Variants in UHMK1 observed in about 807,000 individuals in gnomAD.
UHMK1 encodes U2AF homology motif kinase 1.
Under a neutral mutation model 44.0 loss-of-function variants are expected in UHMK1, and 18 were observed. The ratio of observed to expected loss-of-function variants is 0.41; its 90% CI spans 0.28 to 0.61. The LOEUF (loss-of-function observed/expected upper bound fraction) is 0.61. Ranked by LOEUF, UHMK1 falls within the 20% of genes least tolerant of loss-of-function variation. UHMK1 has a pLI of 0.31. For missense variants in UHMK1, 463 were observed against 522.5 expected (o/e 0.89, Z 1.11); for synonymous variants, 231 against 198.5 (o/e 1.16, Z -1.38).
chr1:162,513,104 G>T (rs758245595), intron 6 of UHMK1: 4 of 339,820 alleles, frequency 1.2e-5, no homozygotes, highest in South Asian at 7.7e-5. Flanking sequence ...ACCAGACCTG[G>T]CTAATTTTGT....
chr1:162,498,267 C>G lies in UHMK1; in HGVS notation c.267C>G (p.Ile89Met). The change falls in exon 1 of 8, where the codon ATC (isoleucine) becomes ATG (methionine). Residue 89 changes from isoleucine (I) to methionine (M), a missense_variant and splice_region_variant. Physicochemically the swap from Ile to Met is conservative, Grantham distance 10. Transcript: ENST00000489294. Reference sequence around the variant, plus strand: ...AACAGTTGCAGGGTCACAGAAACATCGGTAATTGCCGCTGTCTCCTTTCTC... The same window carrying G: ...AACAGTTGCAGGGTCACAGAAACATGGGTAATTGCCGCTGTCTCCTTTCTC... ...ALEQLQGHRN[I>M]VTLYGVFTIH... The G allele has an allele frequency of 6.3e-7, 1 of 1,580,210 alleles. No homozygotes were observed. Among genetic ancestry groups the G allele is most frequent in the South Asian group, 1.1e-5 (1 of 87,174 alleles).
chr1:162,507,142 C>T lies in UHMK1; in HGVS notation c.848+3294C>T, dbSNP rs189270714. ...TTTCCTTTCTTTTTTTTTTTTGAGA[C>T]GGAGTTTTTGCTCGTTGCCCAGGTT... On this transcript the variant is annotated intron_variant, in intron 4 of 7. Coordinates refer to ENST00000489294, the MANE Select transcript of UHMK1 (RefSeq NM_175866.5). 1.0e-3 allele frequency among the ~76,000 whole-genome samples: 154 copies of T among 149,124 alleles called. No individual in the cohort carries two copies. In the Middle Eastern group the frequency reaches 0.01, roughly 10 times the overall value.
At chr1:162,503,345 C>T (rs898094406) in intron 3 of UHMK1, among the ~76,000 whole-genome samples, 1 of 151,892 alleles carries the variant, frequency 6.6e-6, no homozygotes, top group Non-Finnish European at 1.5e-5. Flanking sequence ...CACGATGGCT[C>T]ACAGTTATAG....
At chr1:162,509,986 G>A (rs1190481513) in intron 4 of UHMK1, among the ~76,000 whole-genome samples, 1 of 152,046 alleles carries the variant, frequency 6.6e-6, no homozygotes, top group Non-Finnish European at 1.5e-5. Context: ...CTTTATAAAT[G>A]CTTACTTACA....
chr1:162,498,145 C>A lies in UHMK1; in HGVS notation c.145C>A (p.Pro49Thr), dbSNP rs767864729. ...RVRCCGNPGSPPGALKQFLPP... is the reference protein window; with the variant it reads ...RVRCCGNPGSTPGALKQFLPP... ...TCGCTGCTGCGGCAACCCTGGCTCG[C>A]CCCCCGGCGCCCTCAAGCAGTTCTT... The change falls in exon 1 of 8, where the codon CCC (proline) becomes ACC (threonine). Residue 49 changes from proline to threonine, a missense_variant. By Grantham distance (38) the Pro-to-Thr change is conservative. Around this residue, in one of 3 missense-constraint regions of UHMK1, gnomAD observed 191 missense variants for 176.0 expected, o/e 1.09. Transcript: ENST00000489294. 10 of 1,612,254 alleles carry A rather than the reference C, an allele frequency of 6.2e-6. No homozygotes were observed. The highest frequency in any genetic ancestry group is 1.1e-5 in the South Asian group (1 of 90,918).
At chr1:162,507,354 G>A (rs1000075882) in intron 4 of UHMK1, among the ~76,000 whole-genome samples, 47 of 151,916 alleles carry the variant, frequency 3.1e-4, no homozygotes, top group African/African-American at 1.1e-3. Flanking sequence ...TCCTGATCTC[G>A]TGATCCGCCT....
intron 2 of UHMK1, 167 bp downstream of exon 2, chr1:162,500,414 T>TA (rs1651226604): frequency 2.6e-6 from 2 of 780,738 alleles, no homozygotes; most frequent in Admixed American, 3.0e-5. Context: ...TGCCACCGTG[T>TA]AAAAAAAGGA....
intron 4 of UHMK1, among the ~76,000 whole-genome samples, chr1:162,509,827 TA>T (rs1469598221): frequency 6.6e-6 from 1 of 151,886 alleles, no homozygotes; most frequent in East Asian, 1.9e-4. Context: ...TATTTTTTAG[TA>T]GAGACGGGAT....
intron 3 of UHMK1, 143 bp from the exon 4 acceptor site, chr1:162,503,611 C>CA (rs33964112): frequency 0.014 from 4,885 of 357,280 alleles, 20 homozygotes; most frequent in African/African-American, 0.032. Flanking sequence ...ACCCTGTCTC[C>CA]AAAAAAAAAA....
rs1651129241 is a variant in UHMK1 at position 162,498,182 on chromosome 1, C to A, written c.182C>A (p.Thr61Asn). ...GALKQFLPPG[T>N]TGAAASAAEY... ...CTCAAGCAGTTCTTGCCGCCAGGAA[C>A]CACCGGGGCTGCGGCCTCTGCCGCC... The change falls in exon 1 of 8, where the codon ACC becomes AAC. Residue 61 changes from threonine to asparagine, a missense_variant. By Grantham distance (65) the Thr-to-Asn change is moderately conservative. Coordinates refer to ENST00000489294, the MANE Select transcript of UHMK1 (RefSeq NM_175866.5). 6.2e-7 allele frequency: 1 copy of A among 1,613,086 alleles called. No individual in the cohort carries two copies. The highest frequency in any genetic ancestry group is 8.5e-7 in the Non-Finnish European group (1 of 1,179,448).
At chr1:162,506,331 G>A (rs1651467822) in intron 4 of UHMK1, among the ~76,000 whole-genome samples, 2 of 150,204 alleles carry the variant, frequency 1.3e-5, no homozygotes, top group South Asian at 4.2e-4. Context: ...TAGCACTTTG[G>A]TATATTTCCT....
rs1651500698 is a variant in UHMK1 at position 162,507,250 on chromosome 1, GCTAGGATTACAGGCTA to G, written c.848+3405_848+3420del. Among the ~76,000 whole-genome samples, 6 of 151,840 alleles carry G rather than the reference GCTAGGATTACAGGCTA, an allele frequency of 4.0e-5. No individual in the cohort carries two copies. In the South Asian group the frequency reaches 1.2e-3, roughly 32 times the overall value. On this transcript the variant is annotated intron_variant, in intron 4 of 7. Transcript: ENST00000489294. ...TTCTCCCACATCAGCCTCCCAAGTA[GCTAGGATTACAGGCTA>G]CTGCCACCATGCCTGGCTAATTTCT...
Position 162,524,644 on chromosome 1 carries a change from C to T in UHMK1, c.*2094C>T, listed in dbSNP as rs1035120273. On this transcript the variant is annotated 3_prime_UTR_variant, in exon 8 of 8. Coordinates refer to ENST00000489294, the MANE Select transcript of UHMK1 (RefSeq NM_175866.5). ...ATTTACTTTTCTCTCCCCTCCGCCC[C>T]CAAAAGAAAAATCCTTACAAATAAA... The T allele has an allele frequency of 6.6e-6, 1 of 152,134 alleles. No individual in the cohort carries two copies. The allele number at this position is 152,134 out of a possible 1,614,324, so 9.4% of individuals were successfully genotyped here. A position where few individuals can be genotyped will look rare whatever the true frequency, so the allele number is the denominator to read the frequency against.
At chr1:162,512,650 C>T in intron 5 of UHMK1, 74 bp downstream of exon 5, 1 of 1,600,888 alleles carries the variant, frequency 6.2e-7, no homozygotes, top group Non-Finnish European at 8.5e-7. Flanking sequence ...AATTTATATT[C>T]ACAAGTTCCT....
Position 162,500,013 on chromosome 1 carries a change from G to A in UHMK1, c.327G>A (p.Leu109=). 2 of 1,614,216 alleles carry A rather than the reference G, an allele frequency of 1.2e-6. No individual in the cohort carries two copies. Among genetic ancestry groups the A allele is most frequent in the Non-Finnish European group, 1.7e-6 (2 of 1,180,044 alleles). The change falls in exon 2 of 8, where the codon CTG becomes CTA. Residue 109 remains leucine, a synonymous_variant. Coordinates refer to ENST00000489294, the MANE Select transcript of UHMK1 (RefSeq NM_175866.5). ...CTCCAAATGTGCCATCACGCTGTCT[G>A]TTGCTTGAACTCCTGGATGTCAGTG... The part of the protein sequence containing the change: ...HFSPNVPSRC[L]LLELLDVSVS...
At chr1:162,513,528 G>A (rs574638047) in intron 6 of UHMK1, among the ~76,000 whole-genome samples, 1 of 152,196 alleles carries the variant, frequency 6.6e-6, no homozygotes, top group Admixed American at 6.6e-5. Flanking sequence ...ATAATCTGAA[G>A]ATAGGGTACT....
rs767329468 is a variant in UHMK1, at chr1:162,497,963, C to T, written c.-38C>T. 1 of 1,454,716 alleles carries T rather than the reference C, an allele frequency of 6.9e-7. No individual in the cohort carries two copies. Among genetic ancestry groups the T allele is most frequent in the African/African-American group, 1.5e-5 (1 of 67,838 alleles). 90.1% of individuals were successfully genotyped at this position (1,454,716 alleles called of 1,614,324 possible). ...GGCCCGGCCGGCCTGCCTCAGGCGT[C>T]GCGTCAGCTCCCGTGTCCGTGCCCT... On this transcript the variant is annotated 5_prime_UTR_variant, in exon 1 of 8. Coordinates refer to ENST00000489294, the MANE Select transcript of UHMK1 (RefSeq NM_175866.5).
At chr1:162,505,041 C>T (rs1651419427) in intron 4 of UHMK1, among the ~76,000 whole-genome samples, 1 of 152,178 alleles carries the variant, frequency 6.6e-6, no homozygotes. Context: ...TCCCAAAGTG[C>T]TGGGATTACA....
Position 162,523,311 on chromosome 1 carries a change from T to A in UHMK1, c.*761T>A, listed in dbSNP as rs1245383519. 2.0e-5 allele frequency: 3 copies of A among 152,596 alleles called. No homozygotes were observed. Among genetic ancestry groups the A allele is most frequent in the South Asian group, 2.1e-4 (1 of 4,834 alleles). 9.5% of individuals were successfully genotyped at this position (152,596 alleles called of 1,614,324 possible). ...AGTCTATACTTATTTCTTCCCTACCTGTTTCACATCCGTAAGATTTAAGAT... is the reference window on the plus strand; with the variant it reads ...AGTCTATACTTATTTCTTCCCTACCAGTTTCACATCCGTAAGATTTAAGAT... On this transcript the variant is annotated 3_prime_UTR_variant, in exon 8 of 8. Coordinates refer to ENST00000489294, the MANE Select transcript of UHMK1 (RefSeq NM_175866.5).
Sources: allele counts gnomAD v4.1 joint callset (sites outside exome capture counted in the v4.1 genomes callset), GRCh38; gene constraint gnomAD v4.1.1; regional missense constraint gnomAD v4.1.1; transcripts MANE v1.5; gene names NCBI Gene and HGNC (gene_info 2026-07-23, HGNC 2026-07-21).